The following FHIT variants were observed in gnomAD, a reference collection of about 807,000 sequenced individuals.
FHIT encodes fragile histidine triad diadenosine triphosphatase.
Under a neutral mutation model 17.9 loss-of-function variants are expected in FHIT, and 19 were observed. The observed-to-expected ratio is 1.06, with a 90% CI of 0.74 to 1.56. The LOEUF is 1.56. Ranked by LOEUF, FHIT falls within the 40% of genes most tolerant of loss-of-function variation. FHIT has a pLI of 0.00. For missense variants in FHIT, 248 were observed against 189.2 expected, an observed-to-expected ratio of 1.31 and a Z score of -1.82; for synonymous variants, 81 against 69.7, an observed-to-expected ratio of 1.16 and a Z score of -0.81.
intron 4 of FHIT, among the ~76,000 whole-genome samples, chr3:60,568,249 C>T (rs1002434759): frequency 8.5e-5 from 13 of 152,112 alleles, no homozygotes; most frequent in Non-Finnish European, 1.8e-4. Flanking sequence ...AAATGTGGCA[C>T]ACATACACCA....
intron 4 of FHIT, among the ~76,000 whole-genome samples, chr3:60,587,836 T>A (rs1233397657): frequency 6.6e-6 from 1 of 152,072 alleles, no homozygotes; most frequent in Non-Finnish European, 1.5e-5. Context: ...TTATCCTGAT[T>A]TCACAGACTT....
chr3:61,189,085 C>A (rs544427605), intron 2 of FHIT, among the ~76,000 whole-genome samples: 2 of 151,928 alleles, frequency 1.3e-5, no homozygotes, highest in African/African-American at 4.8e-5. Flanking sequence ...CTGGCCAGGG[C>A]GATCAGGCAG....
chr3:60,155,278 C>T (rs905905999), intron 5 of FHIT, among the ~76,000 whole-genome samples: 4 of 151,928 alleles, frequency 2.6e-5, no homozygotes, highest in South Asian at 2.1e-4. Context: ...CTTTTTCTTT[C>T]TCTTGTCTGT....
intron 5 of FHIT, among the ~76,000 whole-genome samples, chr3:60,091,476 T>C (rs1388138883): frequency 6.6e-6 from 1 of 152,160 alleles, no homozygotes; most frequent in African/African-American, 2.4e-5. Flanking sequence ...GTGTCATCCA[T>C]GTGATCTGGC....
At chr3:60,080,987 T>C (rs555805973) in intron 5 of FHIT, 2 of 152,044 alleles carry the variant, frequency 1.3e-5, no homozygotes, top group African/African-American at 2.4e-5. Context: ...GACATGGGAG[T>C]GCAGGCATCT....
intron 8 of FHIT, among the ~76,000 whole-genome samples, chr3:59,893,319 G>A (rs914978379): frequency 6.6e-6 from 1 of 152,190 alleles, no homozygotes; most frequent in African/African-American, 2.4e-5. Flanking sequence ...AAGATGGCAG[G>A]AATAAGAGGG....
chr3:60,938,613 C>T (rs145587284), intron 3 of FHIT, among the ~76,000 whole-genome samples: 101 of 152,262 alleles, frequency 6.6e-4, no homozygotes, highest in African/African-American at 2.4e-3. Flanking sequence ...GGAATCTGAA[C>T]AAGAGGAGTT....
intron 5 of FHIT, among the ~76,000 whole-genome samples, chr3:60,399,881 C>A (rs1701592688): frequency 6.6e-6 from 1 of 152,104 alleles, no homozygotes; most frequent in Non-Finnish European, 1.5e-5. Flanking sequence ...CATAGTGCCA[C>A]CTATTACCAA....
intron 1 of FHIT, among the ~76,000 whole-genome samples, chr3:61,225,010 C>T (rs2039933904): frequency 6.6e-6 from 1 of 152,170 alleles, no homozygotes; most frequent in South Asian, 2.1e-4. Context: ...GTTCACTGAC[C>T]TCCTTAAGAG....
intron 3 of FHIT, among the ~76,000 whole-genome samples, chr3:61,038,860 G>A (rs1488882035): frequency 6.6e-6 from 1 of 152,112 alleles, no homozygotes; most frequent in East Asian, 1.9e-4. Context: ...TCTTATAACT[G>A]CTTAAGAATT....
chr3:60,381,287 C>T (rs1700789090), intron 5 of FHIT, among the ~76,000 whole-genome samples: 1 of 151,764 alleles, frequency 6.6e-6, no homozygotes, highest in Non-Finnish European at 1.5e-5. Context: ...AGACCAGCCT[C>T]GCCAGCATGT....
At chr3:60,983,241 T>G (rs1710570337) in intron 3 of FHIT, among the ~76,000 whole-genome samples, 1 of 151,762 alleles carries the variant, frequency 6.6e-6, no homozygotes, top group African/African-American at 2.4e-5. Context: ...TCTTACATAA[T>G]CCTAATTTAT....
At chr3:60,587,390 T>C (rs1442712345) in intron 4 of FHIT, among the ~76,000 whole-genome samples, 2 of 151,914 alleles carry the variant, frequency 1.3e-5, no homozygotes, top group African/African-American at 2.4e-5. Context: ...TTAGGACAAA[T>C]AGCTAATATA....
chr3:60,453,946 TGG>T (rs1448299066), intron 5 of FHIT, among the ~76,000 whole-genome samples: 1 of 152,022 alleles, frequency 6.6e-6, no homozygotes, highest in East Asian at 1.9e-4. Context: ...TGCTGAGTAA[TGG>T]GTCTTCAATC....
intron 5 of FHIT, among the ~76,000 whole-genome samples, chr3:60,257,955 C>T (rs114880734): frequency 6.6e-6 from 1 of 151,772 alleles, no homozygotes; most frequent in South Asian, 2.1e-4. Context: ...GGGCTTAATA[C>T]CTGGGTGATG....
At chr3:59,796,926 A>G (rs1363746491) in intron 8 of FHIT, among the ~76,000 whole-genome samples, 2 of 152,220 alleles carry the variant, frequency 1.3e-5, no homozygotes, top group African/African-American at 4.8e-5. Flanking sequence ...CAAACTTTCA[A>G]TGGTACTTCT....
rs1705612677 is a variant in FHIT at position 60,250,001 on chromosome 3, T to A, written c.104-235849A>T. 1.3e-5 allele frequency among the ~76,000 whole-genome samples: 2 copies of A among 152,260 alleles called. 1 individual carries two copies. Among genetic ancestry groups the A allele is most frequent in the South Asian group, 4.1e-4 (2 of 4,824 alleles). ...TACCACAAGAACAGTATGGGGAAAC[T>A]GCCCCCACGATTTAATTATCTCCAC... On this transcript the variant is annotated intron_variant, in intron 5 of 9. Transcript: ENST00000492590.
intron 5 of FHIT, among the ~76,000 whole-genome samples, chr3:60,505,544 C>T (rs145318241): frequency 5.8e-4 from 89 of 152,216 alleles, no homozygotes; most frequent in Admixed American, 4.1e-3. Context: ...CTAATACAGA[C>T]GCACATTCTC....
intron 2 of FHIT, among the ~76,000 whole-genome samples, chr3:61,045,098 C>A (rs558359808): frequency 5.3e-5 from 8 of 152,320 alleles, no homozygotes; most frequent in Non-Finnish European, 1.2e-4. Flanking sequence ...AACCAGCTAA[C>A]ATCAAAATGA....
Sources: gnomAD v4.1 joint callset for allele counts (sites outside exome capture counted in the v4.1 genomes callset) on GRCh38, gnomAD v4.1.1 for gene constraint, MANE v1.5 for transcripts, NCBI Gene and HGNC (gene_info 2026-07-23, HGNC 2026-07-21) for gene names.